STPG4: variants seen among roughly 807,000 people sequenced by gnomAD.
The protein encoded by STPG4 is protein STPG4.
A neutral mutation model predicts 31.5 loss-of-function variants in STPG4; 41 were observed. That is an observed-to-expected ratio of 1.30 (90% CI 1.01 to 1.69). The LOEUF (loss-of-function observed/expected upper bound fraction) is 1.69. Among genes scored for constraint, STPG4 ranks in the 40% most tolerant of loss-of-function variants. The probability of loss-of-function intolerance (pLI) is 0.00; values close to 1 mark genes in which losing one functional copy is unlikely to be tolerated. For missense variants in STPG4, 375 were observed against 293.4 expected (o/e 1.28, Z -2.03); for synonymous variants, 141 against 103.0 (o/e 1.37, Z -2.24).
chr2:47,141,683 T>A (rs375841268), intron 3 of STPG4, among the ~76,000 whole-genome samples: 3 of 152,198 alleles, frequency 2.0e-5, no homozygotes, highest in African/African-American at 7.2e-5. Flanking sequence ...TATCCCCACA[T>A]TTAACTCTTG....
intron 3 of STPG4, among the ~76,000 whole-genome samples, chr2:47,132,742 A>G (rs1287812662): frequency 2.0e-5 from 3 of 152,188 alleles, no homozygotes. Context: ...TGTTTTTAAA[A>G]TGTGCATATT....
intron 5 of STPG4, among the ~76,000 whole-genome samples, chr2:47,120,284 T>C (rs1303443905): frequency 2.0e-5 from 3 of 152,132 alleles, no homozygotes; most frequent in Non-Finnish European, 4.4e-5. Flanking sequence ...TGAGCCGAGA[T>C]TGTGCCGCTG....
intron 2 of STPG4, 36 bp downstream of exon 2, chr2:47,152,921 A>T: frequency 7.1e-7 from 1 of 1,411,588 alleles, no homozygotes; most frequent in Non-Finnish European, 9.9e-7. Context: ...TGGAATAGGA[A>T]TAATGTGAAT....
At chr2:47,148,651 G>A (rs1189977670) in intron 3 of STPG4, among the ~76,000 whole-genome samples, 1 of 152,040 alleles carries the variant, frequency 6.6e-6, no homozygotes, top group Non-Finnish European at 1.5e-5. Context: ...ATTTACATTA[G>A]GTATATCTCC....
chr2:47,098,613 G>C (rs900114272), intron 5 of STPG4, among the ~76,000 whole-genome samples: 4 of 152,078 alleles, frequency 2.6e-5, no homozygotes, highest in Non-Finnish European at 5.9e-5. Context: ...AAGAGAAAGG[G>C]TCAGAAAAAA....
chr2:47,134,094 C>T (rs1234319435), intron 3 of STPG4, among the ~76,000 whole-genome samples: 1 of 150,028 alleles, frequency 6.7e-6, no homozygotes, highest in Non-Finnish European at 1.5e-5. Flanking sequence ...GTTTTAGGGT[C>T]ATAGCAAAAT....
intron 3 of STPG4, among the ~76,000 whole-genome samples, chr2:47,137,475 T>G (rs1175080959): frequency 6.6e-6 from 1 of 152,214 alleles, no homozygotes; most frequent in African/African-American, 2.4e-5. Context: ...TTTGGTATTA[T>G]GATGACACTG....
At chr2:47,104,097 G>A (rs1323498141) in intron 5 of STPG4, among the ~76,000 whole-genome samples, 2 of 151,912 alleles carry the variant, frequency 1.3e-5, no homozygotes, top group Non-Finnish European at 2.9e-5. Context: ...TTATCTACAT[G>A]AATATGGGGA....
intron 3 of STPG4, among the ~76,000 whole-genome samples, chr2:47,137,959 T>C (rs528570687): frequency 6.6e-6 from 1 of 152,284 alleles, no homozygotes; most frequent in Non-Finnish European, 1.5e-5. Flanking sequence ...TGATTTTCTG[T>C]TTTCAATTTC....
chr2:47,093,823 C>T (rs1685620384), intron 5 of STPG4, among the ~76,000 whole-genome samples: 1 of 152,138 alleles, frequency 6.6e-6, no homozygotes, highest in South Asian at 2.1e-4. Context: ...GGATATAAGC[C>T]CAAGTTCATA....
At chr2:47,122,936 C>T (rs1451729449) in intron 5 of STPG4, among the ~76,000 whole-genome samples, 1 of 152,150 alleles carries the variant, frequency 6.6e-6, no homozygotes, top group East Asian at 1.9e-4. Context: ...AGCCATTCTC[C>T]TGCCTCAGCC....
intron 5 of STPG4, among the ~76,000 whole-genome samples, chr2:47,103,863 C>G (rs1685849551): frequency 6.6e-6 from 1 of 151,920 alleles, no homozygotes; most frequent in Non-Finnish European, 1.5e-5. Context: ...TTGACTTCCT[C>G]CTGGACACTG....
Position 47,097,707 on chromosome 2 carries a change from C to T in STPG4, c.520-7333G>A, listed in dbSNP as rs957831986. ...CTCCAGAACTGTGAACAATACATTTCTATGGTTTATAAATTACCCAGTCTA... is the reference window on the plus strand; with the variant it reads ...CTCCAGAACTGTGAACAATACATTTTTATGGTTTATAAATTACCCAGTCTA... On this transcript the variant is annotated intron_variant, in intron 5 of 6. Transcript: ENST00000445927. Among the ~76,000 whole-genome samples the T allele has an allele frequency of 5.3e-5, 8 of 152,122 alleles. No homozygotes were observed. In the East Asian group the frequency reaches 1.5e-3, roughly 29 times the overall value.
chr2:47,134,056 A>G (rs911281493), intron 3 of STPG4, among the ~76,000 whole-genome samples: 1 of 152,176 alleles, frequency 6.6e-6, no homozygotes, highest in African/African-American at 2.4e-5. Context: ...ACATATACAT[A>G]TACATATACT....
At chr2:47,136,151 T>TG (rs1686590381) in intron 3 of STPG4, among the ~76,000 whole-genome samples, 2 of 151,922 alleles carry the variant, frequency 1.3e-5, no homozygotes, top group African/African-American at 4.9e-5. Context: ...TTGATTTCTT[T>TG]CTTTTTTTTT....
chr2:47,141,905 G>A (rs1402212780), intron 3 of STPG4, among the ~76,000 whole-genome samples: 1 of 147,452 alleles, frequency 6.8e-6, no homozygotes, highest in East Asian at 2.0e-4. Context: ...ATTCTCTGGG[G>A]ATGCTGTGTG....
chr2:47,097,851 C>T (rs1685703163), intron 5 of STPG4, among the ~76,000 whole-genome samples: 2 of 151,830 alleles, frequency 1.3e-5, no homozygotes, highest in Non-Finnish European at 2.9e-5. Context: ...GATGCAGTGG[C>T]TCACGCCTGT....
chr2:47,145,387 G>A (rs888986622), intron 3 of STPG4, among the ~76,000 whole-genome samples: 12 of 152,206 alleles, frequency 7.9e-5, no homozygotes, highest in Admixed American at 2.0e-4. Flanking sequence ...AACTGAGAGG[G>A]AGAAGAAACC....
At chr2:47,128,054 G>C (rs988649913) in intron 5 of STPG4, among the ~76,000 whole-genome samples, 2 of 152,162 alleles carry the variant, frequency 1.3e-5, no homozygotes, top group Non-Finnish European at 2.9e-5. Flanking sequence ...GTCTGCATTA[G>C]AGGGCACCCC....
Sources: allele counts gnomAD v4.1 joint callset (sites outside exome capture counted in the v4.1 genomes callset), GRCh38; gene constraint gnomAD v4.1.1; transcripts MANE v1.5; gene names NCBI Gene and HGNC (gene_info 2026-07-23, HGNC 2026-07-21).